Variants in MYL6B observed in about 807,000 individuals in gnomAD.
MYL6B encodes the protein myosin alkali light chain 1 slow a.
Under a neutral mutation model 24.5 loss-of-function variants are expected in MYL6B, and 19 were observed. The observed-to-expected ratio is 0.78, with a 90% confidence interval of 0.54 to 1.14. The LOEUF is 1.14. MYL6B is among the 50% of genes most tolerant of loss of function. MYL6B has a pLI of 0.00. For synonymous variants in MYL6B, 90 were observed against 100.7 expected (o/e 0.89, Z 0.64); for missense variants, 230 against 263.8 (o/e 0.87, Z 0.89).
At chr12:56,153,505 C>T in intron 1 of MYL6B, 1 of 986,272 alleles carries the variant, frequency 1.0e-6, no homozygotes, top group Non-Finnish European at 1.2e-6. Flanking sequence ...GCCTCCCTGG[C>T]TGCTACCCCT....
exon 2 of MYL6B, chr12:56,153,892 C>A: frequency 6.3e-7 from 1 of 1,590,514 alleles, no homozygotes; most frequent in South Asian, 1.1e-5. Flanking sequence ...CCCCCATCCG[C>A]ACACTGTCCT....
At chr12:56,157,362 C>T (rs1871363332) in intron 5 of MYL6B, 106 bp from the exon 6 acceptor site, 2 of 1,098,034 alleles carry the variant, frequency 1.8e-6, no homozygotes, top group Middle Eastern at 2.5e-4. Context: ...GCACTCCAGC[C>T]TGAGCGACAG....
intron 1 of MYL6B, chr12:56,153,621 C>G (rs746677569): frequency 5.8e-6 from 2 of 347,508 alleles, no homozygotes; most frequent in Non-Finnish European, 8.8e-6. Context: ...TGGAGGTTAA[C>G]TACCTCATTC....
chr12:56,154,778 T>G, intron 2 of MYL6B, 35 bp from the exon 3 acceptor site: 1 of 1,604,584 alleles, frequency 6.2e-7, no homozygotes, highest in Non-Finnish European at 8.5e-7. Flanking sequence ...TTGAATAAAC[T>G]CTCATCTCTC....
chr12:56,157,714 C>T (rs1483940043), exon 7 of MYL6B: 10 of 1,612,496 alleles, frequency 6.2e-6, no homozygotes, highest in African/African-American at 1.3e-5. Context: ...TGAAACACAT[C>T]CTAAGCGTCT....
exon 7 of MYL6B, chr12:56,157,960 T>TAA: frequency 1.7e-6 from 1 of 593,748 alleles, no homozygotes; most frequent in Non-Finnish European, 3.0e-6. Flanking sequence ...TGTTTCAAAA[T>TAA]AAAGACTGGG....
At chr12:56,153,373 G>C (rs748025789) in intron 1 of MYL6B, 57 of 966,312 alleles carry the variant, frequency 5.9e-5, no homozygotes, top group Non-Finnish European at 6.3e-5. Context: ...TAGACTCTAA[G>C]GTTAACTACC....
exon 6 of MYL6B, chr12:56,157,531 G>A: frequency 6.2e-7 from 1 of 1,612,276 alleles, no homozygotes; most frequent in Non-Finnish European, 8.5e-7. Flanking sequence ...AGCAACGGCT[G>A]CATCAACTAC....
exon 6 of MYL6B, chr12:56,157,484 G>A (rs142496281): frequency 2.2e-5 from 36 of 1,613,960 alleles, no homozygotes; most frequent in Non-Finnish European, 2.9e-5. Flanking sequence ...AGATGACTGA[G>A]GAGGAGGTGG....
Position 56,153,858 on chromosome 12 carries a change from T to A in MYL6B, c.-46-15T>A. 2 of 1,496,318 alleles carry A rather than the reference T, an allele frequency of 1.3e-6. No individual in the cohort carries two copies. Among genetic ancestry groups the A allele is most frequent in the Non-Finnish European group, 1.8e-6 (2 of 1,109,978 alleles). 92.7% of individuals were successfully genotyped at this position (1,496,318 alleles called of 1,614,324 possible). On this transcript the variant is annotated splice_polypyrimidine_tract_variant and intron_variant, in intron 1 of 6. Transcript: ENST00000553066. ...CCGCCCCTTGACATCCCAGACTCCC[T>A]GGCTATTTAAACAGAGATGGGTGCC...
intron 5 of MYL6B, 122 bp from the exon 6 acceptor site, chr12:56,157,346 T>C (rs1202391123): frequency 2.3e-6 from 2 of 862,406 alleles, no homozygotes; most frequent in African/African-American, 3.4e-5. Flanking sequence ...ATCGCTCCGC[T>C]CCACTGCACT....
In MYL6B at chr12:56,154,074, C is replaced by T. The variant is rs1397322912; in HGVS notation, c.156C>T (p.Val52=). The T allele has an allele frequency of 5.0e-6, 8 of 1,613,368 alleles. No individual in the cohort carries two copies. The Admixed American group carries it at 6.7e-5, about 13-fold the overall frequency. ...CTCAGAAAACCCAGGAGCCTCCAGT[C>T]GATCTCTCCAAAGTGGTGGTGAGTC... is the stretch of plus-strand genomic sequence containing the variant. Residue 52 remains valine, a synonymous_variant, in exon 2 of 7, where the codon GTC becomes GTT. Transcript: ENST00000553066.
intron 1 of MYL6B, among the ~76,000 whole-genome samples, chr12:56,153,243 G>A (rs1169836550): frequency 1.3e-5 from 2 of 152,088 alleles, no homozygotes; most frequent in Non-Finnish European, 2.9e-5. Flanking sequence ...ACAACACTGG[G>A]CACAGGAGAC....
At chr12:56,152,689 A>AGTGTGTGTGTGTGT (rs3070174) in intron 1 of MYL6B, 58 bp downstream of exon 1, 5 of 149,620 alleles carry the variant, frequency 3.3e-5, no homozygotes, top group African/African-American at 9.8e-5. Context: ...GGGGTGCGTG[A>AGTGTGTGTGTGTGT]GTGTGTGTGT....
chr12:56,157,719 G>T, exon 7 of MYL6B: 5 of 1,612,260 alleles, frequency 3.1e-6, no homozygotes, highest in Non-Finnish European at 3.4e-6. Context: ...CACATCCTAA[G>T]CGTCTGAGTG....
chr12:56,156,095 C>A (rs988949134), intron 5 of MYL6B: 2 of 957,862 alleles, frequency 2.1e-6, no homozygotes, highest in Admixed American at 5.0e-5. Context: ...CACCTTAGCT[C>A]GGGAGTTCGA....
rs566029819 is a variant in MYL6B at position 56,153,883 on chromosome 12, C to A, written c.-36C>A. ...TGGCTATTTAAACAGAGATGGGTGC[C>A]CCCATCCGCACACTGTCCTTTGGCC... On this transcript the variant is annotated 5_prime_UTR_variant, in exon 2 of 7. Transcript: ENST00000553066. 1.9e-6 allele frequency: 3 copies of A among 1,556,472 alleles called. No individual in the cohort carries two copies. In the African/African-American group the frequency reaches 4.1e-5, roughly 21 times the overall value.
In MYL6B at chr12:56,155,842, C is replaced by T. The variant is rs190456851; in HGVS notation, c.520+250C>T. On this transcript the variant is annotated intron_variant, in intron 5 of 6. Transcript: ENST00000553066. The stretch of plus-strand genomic sequence containing the variant: ...ACCTGAATTTTCATTTTGGAAGAGA[C>T]GTGTGGGTTGTGTGTTCTGGTACAA... The T allele has an allele frequency of 8.6e-6, 12 of 1,391,022 alleles. No individual in the cohort carries two copies. In the African/African-American group the frequency reaches 1.0e-4, roughly 12 times the overall value. 86.2% of individuals were successfully genotyped at this position (1,391,022 alleles called of 1,614,324 possible).
intron 2 of MYL6B, 41 bp downstream of exon 2, chr12:56,154,133 T>C: frequency 6.3e-7 from 1 of 1,587,182 alleles, no homozygotes; most frequent in African/African-American, 1.4e-5. Flanking sequence ...GAGGGGGTGG[T>C]TTGAGGGTGG....
Sources: allele counts gnomAD v4.1 joint callset (sites outside exome capture counted in the v4.1 genomes callset), GRCh38; gene constraint gnomAD v4.1.1; transcripts MANE v1.5; gene names NCBI Gene and HGNC (gene_info 2026-07-23, HGNC 2026-07-21).